CLVS1: variants seen among roughly 807,000 people sequenced by gnomAD.
CLVS1 encodes clavesin 1.
Under a neutral mutation model 33.1 loss-of-function variants are expected in CLVS1, and 10 were observed. The observed-to-expected ratio is 0.30, with a 90% CI of 0.19 to 0.51. The LOEUF (loss-of-function observed/expected upper bound fraction) is 0.51, where lower values mean the gene tolerates loss of function less well. Among genes scored for constraint, CLVS1 ranks in the 20% least tolerant of loss-of-function variants. CLVS1 has a pLI of 0.97. For synonymous variants in CLVS1, 163 were observed against 166.1 expected (o/e 0.98, Z 0.14); for missense variants, 343 against 433.4 (o/e 0.79, Z 1.85).
chr8:61,153,685 C>T (rs1033543043), intron 2 of CLVS1, among the ~76,000 whole-genome samples: 1 of 152,122 alleles, frequency 6.6e-6, no homozygotes, highest in African/African-American at 2.4e-5. Context: ...GAAGGTGCCT[C>T]GTGGTCTCAG....
chr8:61,283,181 G>T (rs1809710231), upstream of CLVS1, among the ~76,000 whole-genome samples: 1 of 152,148 alleles, frequency 6.6e-6, no homozygotes, highest in Admixed American at 6.6e-5. Flanking sequence ...ATCAGTTAAT[G>T]AGCTCTTTTA....
intron 2 of CLVS1, among the ~76,000 whole-genome samples, chr8:61,157,568 T>G (rs962584203): frequency 6.6e-6 from 1 of 151,944 alleles, no homozygotes; most frequent in African/African-American, 2.4e-5. Flanking sequence ...GCTATCACAA[T>G]TAAAAATCTC....
chr8:61,175,792 A>G (rs1164706344), intron 2 of CLVS1, among the ~76,000 whole-genome samples: 2 of 152,184 alleles, frequency 1.3e-5, no homozygotes, highest in Admixed American at 6.5e-5. Flanking sequence ...TCAGACTTCT[A>G]GCCTTCAAAT....
chr8:61,044,390 G>T, the CLVS1 span, among the ~76,000 whole-genome samples: 3 of 152,010 alleles, frequency 2.0e-5, no homozygotes, highest in South Asian at 6.3e-4. Context: ...GGTATAATCA[G>T]CCCCACCAAG....
chr8:61,194,496 C>T (rs182914707), intron 2 of CLVS1, among the ~76,000 whole-genome samples: 46 of 151,990 alleles, frequency 3.0e-4, no homozygotes, highest in African/African-American at 9.4e-4. Context: ...GGATAGTGCA[C>T]AATGATAAAA....
chr8:61,410,066 G>GTTTTTTTTTTTT (rs201195565), intron 3 of CLVS1, among the ~76,000 whole-genome samples: 108 of 106,886 alleles, frequency 1.0e-3, no homozygotes, highest in Middle Eastern at 5.7e-3. Context: ...ACTTGCAGAG[G>GTTTTTTTTTTTT]TTTTTTTTTT....
At chr8:61,391,070 G>A (rs757952531) in intron 3 of CLVS1, 2 of 151,424 alleles carry the variant, frequency 1.3e-5, no homozygotes, top group Non-Finnish European at 1.5e-5. Flanking sequence ...ATTTCTCTAT[G>A]TATTTTGATT....
chr8:61,233,165 C>A (rs1229993103), intron 2 of CLVS1, among the ~76,000 whole-genome samples: 1 of 152,158 alleles, frequency 6.6e-6, no homozygotes, highest in Admixed American at 6.5e-5. Context: ...CCATCCTTCT[C>A]CCTCAGTAAT....
chr8:61,112,217 C>T (rs1805641089), intron 1 of CLVS1, among the ~76,000 whole-genome samples: 1 of 145,478 alleles, frequency 6.9e-6, no homozygotes, highest in African/African-American at 2.6e-5. Context: ...CACACACACA[C>T]ACGCACAGAG....
intron 2 of CLVS1, among the ~76,000 whole-genome samples, chr8:61,197,997 A>C (rs1807651334): frequency 6.6e-6 from 1 of 152,164 alleles, no homozygotes; most frequent in South Asian, 2.1e-4. Flanking sequence ...GACCCTCCTC[A>C]ATGCCTCTTT....
chr8:61,149,411 G>T (rs1425854398), intron 2 of CLVS1, among the ~76,000 whole-genome samples: 1 of 151,838 alleles, frequency 6.6e-6, no homozygotes, highest in Non-Finnish European at 1.5e-5. Flanking sequence ...AATTAACCAG[G>T]TGTGGTGGTG....
At chr8:61,309,712 G>A (rs1810768310) in intron 2 of CLVS1, among the ~76,000 whole-genome samples, 1 of 152,204 alleles carries the variant, frequency 6.6e-6, no homozygotes, top group African/African-American at 2.4e-5. Flanking sequence ...AATGTTACCA[G>A]TCACTGCTGA....
intron 2 of CLVS1, among the ~76,000 whole-genome samples, chr8:61,360,228 C>T (rs964945188): frequency 1.3e-5 from 2 of 152,048 alleles, no homozygotes; most frequent in Non-Finnish European, 2.9e-5. Context: ...CAGGATTTGC[C>T]GTGAGTGACT....
At chr8:61,345,311 C>T (rs145920719) in intron 2 of CLVS1, among the ~76,000 whole-genome samples, 1 of 152,208 alleles carries the variant, frequency 6.6e-6, no homozygotes, top group African/African-American at 2.4e-5. Flanking sequence ...CTTATGAAAA[C>T]TCCTTATAAA....
rs144928000 is a variant in CLVS1, at chr8:61,326,127, C to T, written c.455+25845C>T. ...TAATAGTCTTTTCACTGCCTTTCAGCCTTCATTTGCAACACAGAACTAAAA... is the reference window on the plus strand; with the variant it reads ...TAATAGTCTTTTCACTGCCTTTCAGTCTTCATTTGCAACACAGAACTAAAA... On this transcript the variant is annotated intron_variant, in intron 2 of 5. Transcript: ENST00000325897. Among the ~76,000 whole-genome samples the T allele has an allele frequency of 3.9e-5, 6 of 152,302 alleles. No homozygotes were observed. The East Asian group carries it at 1.2e-3, about 29-fold the overall frequency.
At chr8:61,007,711 G>A in the CLVS1 span, among the ~76,000 whole-genome samples, 1 of 152,122 alleles carries the variant, frequency 6.6e-6, no homozygotes, top group Non-Finnish European at 1.5e-5. Flanking sequence ...TTATAAACAC[G>A]GGCACCTGCC....
the CLVS1 span, among the ~76,000 whole-genome samples, chr8:60,991,561 GA>G: frequency 2.0e-5 from 3 of 152,076 alleles, no homozygotes; most frequent in Non-Finnish European, 4.4e-5. Context: ...GGCTTTTCAG[GA>G]CGGCCACAGT....
chr8:61,436,189 A>G (rs1053228717), intron 3 of CLVS1, among the ~76,000 whole-genome samples: 2 of 152,154 alleles, frequency 1.3e-5, no homozygotes, highest in Non-Finnish European at 2.9e-5. Flanking sequence ...TTGCATAATC[A>G]ATTATTTCCT....
chr8:61,038,732 C>T, the CLVS1 span, among the ~76,000 whole-genome samples: 1 of 152,252 alleles, frequency 6.6e-6, no homozygotes, highest in South Asian at 2.1e-4. Flanking sequence ...CATGTGTCTT[C>T]TCAGGCCTGT....
Sources: gnomAD v4.1 joint callset for allele counts (sites outside exome capture counted in the v4.1 genomes callset) on GRCh38, gnomAD v4.1.1 for gene constraint, MANE v1.5 for transcripts, NCBI Gene and HGNC (gene_info 2026-07-23, HGNC 2026-07-21) for gene names.